Variants in CDH22 observed in about 807,000 individuals in gnomAD.
The protein encoded by CDH22 is cadherin-22.
CDH22 carries 30 observed loss-of-function variants against 58.4 expected under a neutral mutation model. That is an observed-to-expected ratio of 0.51 (90% CI 0.38 to 0.70). The LOEUF is 0.70. Ranked by LOEUF, CDH22 falls within the 30% of genes least tolerant of loss-of-function variation. CDH22 has a pLI of 0.00. For missense variants in CDH22, 1,014 were observed against 1,233.9 expected (o/e 0.82, Z 2.67); for synonymous variants, 513 against 558.2 (o/e 0.92, Z 1.14).
intron 4 of CDH22, among the ~76,000 whole-genome samples, chr20:46,220,184 G>T (rs1416824711): frequency 6.6e-6 from 1 of 151,854 alleles, no homozygotes; most frequent in African/African-American, 2.4e-5. Flanking sequence ...GAAAAACAGA[G>T]AAGGGAAGAT....
rs540104915 is a variant in CDH22, at chr20:46,196,286, T to C, written c.1423+3137A>G. Among the ~76,000 whole-genome samples the C allele has an allele frequency of 1.9e-4, 29 of 152,190 alleles. No individual in the cohort carries two copies. The South Asian group carries it at 4.4e-3, about 23-fold the overall frequency. On this transcript the variant is annotated intron_variant, in intron 8 of 11. Coordinates refer to ENST00000537909, the MANE Select transcript of CDH22 (RefSeq NM_021248.3). ...TGGGTCAGTTATTTGTGGCAGCTTT[T>C]TTTTTTTGAGACAGAGTCTTGCCTG...
chr20:46,253,950 CT>C (rs1322163937), intron 1 of CDH22, among the ~76,000 whole-genome samples: 2 of 152,300 alleles, frequency 1.3e-5, no homozygotes, highest in East Asian at 3.9e-4. Flanking sequence ...CCCTCCTTTC[CT>C]TTATTTCTTT....
intron 1 of CDH22, among the ~76,000 whole-genome samples, chr20:46,284,434 G>T (rs890127093): frequency 2.6e-5 from 4 of 152,180 alleles, no homozygotes; most frequent in Non-Finnish European, 5.9e-5. Flanking sequence ...AACACCTTCT[G>T]GGATCTTTGG....
chr20:46,242,891 C>T (rs180702643), intron 2 of CDH22, among the ~76,000 whole-genome samples: 27 of 152,300 alleles, frequency 1.8e-4, no homozygotes, highest in African/African-American at 5.8e-4. Context: ...CTATTAGGCT[C>T]CAGATTCCAG....
At chr20:46,223,723 C>CTT (rs1439661337) in intron 4 of CDH22, among the ~76,000 whole-genome samples, 60 of 52,626 alleles carry the variant, frequency 1.1e-3, no homozygotes, top group African/African-American at 2.3e-3. Context: ...CTTTTTCTTT[C>CTT]TTTCTCTTTC....
At chr20:46,281,860 T>C (rs1476152309) in intron 1 of CDH22, among the ~76,000 whole-genome samples, 2 of 152,264 alleles carry the variant, frequency 1.3e-5, no homozygotes, top group African/African-American at 4.8e-5. Flanking sequence ...AGCTCCTGGC[T>C]TTTGAATGCT....
At chr20:46,237,205 C>T (rs1467339986) in intron 3 of CDH22, among the ~76,000 whole-genome samples, 2 of 152,180 alleles carry the variant, frequency 1.3e-5, no homozygotes, top group East Asian at 3.9e-4. Context: ...GGAAGTCGAC[C>T]AAGGTCCTGC....
At chr20:46,306,871 A>G (rs184713661) in intron 1 of CDH22, among the ~76,000 whole-genome samples, 2 of 152,304 alleles carry the variant, frequency 1.3e-5, no homozygotes, top group Admixed American at 6.5e-5. Flanking sequence ...TACGGGATAC[A>G]AATGAAGGAC....
At chr20:46,232,092 G>A (rs2073231313) in intron 3 of CDH22, among the ~76,000 whole-genome samples, 1 of 152,180 alleles carries the variant, frequency 6.6e-6, no homozygotes, top group South Asian at 2.1e-4. Flanking sequence ...CCTCATCTCT[G>A]TGTTGTTCTG....
chr20:46,290,482 G>C (rs1253180343), intron 1 of CDH22, among the ~76,000 whole-genome samples: 1 of 152,234 alleles, frequency 6.6e-6, no homozygotes, highest in Non-Finnish European at 1.5e-5. Context: ...GAGAAACCCA[G>C]CACTGGAGGA....
intron 7 of CDH22, among the ~76,000 whole-genome samples, chr20:46,202,676 C>A (rs952891024): frequency 6.6e-6 from 1 of 152,050 alleles, no homozygotes. Flanking sequence ...TTAGCCTGAC[C>A]GACAGCCCAT....
chr20:46,245,182 A>G (rs1168255920), intron 2 of CDH22, among the ~76,000 whole-genome samples: 1 of 152,150 alleles, frequency 6.6e-6, no homozygotes, highest in African/African-American at 2.4e-5. Flanking sequence ...CTATCTCCTG[A>G]TACAAGAACC....
intron 3 of CDH22, among the ~76,000 whole-genome samples, chr20:46,236,600 T>A (rs894341150): frequency 7.0e-6 from 1 of 142,682 alleles, no homozygotes; most frequent in Non-Finnish European, 1.5e-5. Flanking sequence ...TATAATATAT[T>A]ATATATAGAT....
Position 46,174,419 on chromosome 20 carries a change from G to T in CDH22, c.*87C>A. 1.1e-6 allele frequency: 1 copy of T among 951,962 alleles called. No homozygotes were observed. Among genetic ancestry groups the T allele is most frequent in the Non-Finnish European group, 1.5e-6 (1 of 682,934 alleles). 59.0% of individuals were successfully genotyped at this position (951,962 alleles called of 1,614,324 possible). On this transcript the variant is annotated 3_prime_UTR_variant, in exon 12 of 12. Coordinates refer to ENST00000537909, the MANE Select transcript of CDH22 (RefSeq NM_021248.3). This position sits in a 1 kb window ranked among gnomAD's most constrained non-coding sequence, Gnocchi z 4.4. ...GGGAGGGTTGGGGGAGGGCAGGAAA[G>T]GGGGTCCGCGGGGGAAACGCGTTGT...
At chr20:46,222,386 C>A (rs1370002751) in intron 4 of CDH22, among the ~76,000 whole-genome samples, 2 of 152,176 alleles carry the variant, frequency 1.3e-5, no homozygotes, top group African/African-American at 4.8e-5. Context: ...TCTGCTGGAG[C>A]AGAAGCTCCG....
chr20:46,181,903 G>A (rs1414197726), intron 10 of CDH22, among the ~76,000 whole-genome samples: 3 of 150,834 alleles, frequency 2.0e-5, no homozygotes, highest in African/African-American at 7.3e-5. Context: ...TACAACCTCC[G>A]TCTCCTGGGT....
At chr20:46,299,973 C>A (rs1483551062) in intron 1 of CDH22, among the ~76,000 whole-genome samples, 1 of 152,148 alleles carries the variant, frequency 6.6e-6, no homozygotes. Flanking sequence ...CAACTTAACT[C>A]CCTTCTCTTC....
Position 46,186,590 on chromosome 20 carries a change from T to C in CDH22, c.1661A>G (p.Gln554Arg), listed in dbSNP as rs1373242368. Residue 554 changes from glutamine (Q) to arginine (R), a missense_variant and splice_region_variant, in exon 10 of 12, where the codon CAA (glutamine) becomes CGA (arginine). Around this residue, in one of 2 missense-constraint regions of CDH22, gnomAD observed 806 missense variants for 1,038.7 expected, o/e 0.78. Transcript: ENST00000537909. ...SNPHFSLLDI[Q>R]DNTAAVHTQH... ...CATCCTAGGGTTTGGAGGCTCACCTTGGATGTCAAGCAGAGAGAAATGAGG... is the reference window on the plus strand; with the variant it reads ...CATCCTAGGGTTTGGAGGCTCACCTCGGATGTCAAGCAGAGAGAAATGAGG... The C allele has an allele frequency of 1.2e-6, 2 of 1,605,748 alleles. No homozygotes were observed. The highest frequency in any genetic ancestry group is 2.2e-5 in the East Asian group (1 of 44,824).
chr20:46,213,055 G>T lies in CDH22; in HGVS notation c.972C>A (p.Gly324=). ...TGTCTGTGGTGACCTTGAACACATC[G>T]CCGCCGCTGCTGCTCTCGTCCTTAA... is the stretch of plus-strand genomic sequence containing the variant. The part of the protein sequence containing the change: ...YHLKDESSSG[G]DVFKVTTDSD... Residue 324 remains glycine, a synonymous_variant, in exon 6 of 12, where the codon GGC becomes GGA. Transcript: ENST00000537909. The T allele has an allele frequency of 6.2e-7, 1 of 1,614,114 alleles. No individual in the cohort carries two copies. Among genetic ancestry groups the T allele is most frequent in the Non-Finnish European group, 8.5e-7 (1 of 1,179,998 alleles).
Sources: gnomAD v4.1 joint callset for allele counts (sites outside exome capture counted in the v4.1 genomes callset) on GRCh38, gnomAD v4.1.1 for gene constraint, gnomAD v4.1.1 regional missense constraint, Gnocchi (gnomAD v3.1) non-coding constraint, MANE v1.5 for transcripts, NCBI Gene and HGNC (gene_info 2026-07-23, HGNC 2026-07-21) for gene names.